The following MACROD2 variants were observed in gnomAD, a reference collection of about 807,000 sequenced individuals.
MACROD2 encodes ADP-ribose glycohydrolase MACROD2.
In MACROD2, 36 loss-of-function variants were observed where a neutral mutation model predicts 70.4. The ratio of observed to expected loss-of-function variants is 0.51; its 90% CI spans 0.39 to 0.68. MACROD2 has a LOEUF of 0.68. Ranked by LOEUF, MACROD2 falls within the 30% of genes least tolerant of loss-of-function variation. The probability of loss-of-function intolerance (pLI) is 0.00; values close to 1 mark genes in which losing one functional copy is unlikely to be tolerated. For synonymous variants in MACROD2, 172 were observed against 178.8 expected (o/e 0.96, Z 0.30); for missense variants, 496 against 538.4 (o/e 0.92, Z 0.78).
intron 5 of MACROD2, among the ~76,000 whole-genome samples, chr20:14,836,990 T>C (rs777789743): frequency 6.6e-6 from 1 of 152,046 alleles, no homozygotes; most frequent in Admixed American, 6.6e-5. Context: ...TTCAAAATGA[T>C]AAGAGGAAAT....
chr20:15,895,565 G>C (rs909689496), intron 10 of MACROD2, among the ~76,000 whole-genome samples: 1 of 152,360 alleles, frequency 6.6e-6, no homozygotes, highest in African/African-American at 2.4e-5. Flanking sequence ...GGTTCGAGAG[G>C]CTGAAGAAGA....
At chr20:15,257,328 T>C (rs1289867789) in intron 6 of MACROD2, among the ~76,000 whole-genome samples, 1 of 151,980 alleles carries the variant, frequency 6.6e-6, no homozygotes, top group Admixed American at 6.6e-5. Flanking sequence ...GGTGGGCAAA[T>C]GGGCTCCACT....
At chr20:15,845,340 C>T (rs946347258) in intron 8 of MACROD2, among the ~76,000 whole-genome samples, 5 of 152,126 alleles carry the variant, frequency 3.3e-5, no homozygotes, top group Non-Finnish European at 7.4e-5. Context: ...ACGCACAACT[C>T]ATAATATCTA....
chr20:14,637,495 A>G (rs1016338084), intron 4 of MACROD2, among the ~76,000 whole-genome samples: 1 of 152,184 alleles, frequency 6.6e-6, no homozygotes, highest in Non-Finnish European at 1.5e-5. Flanking sequence ...TGAAAAATAC[A>G]TCTCAGGCTT....
chr20:15,117,003 TTC>T (rs2075996422), intron 5 of MACROD2, among the ~76,000 whole-genome samples: 1 of 152,228 alleles, frequency 6.6e-6, no homozygotes. Flanking sequence ...AGCATTTTTT[TTC>T]TTAGTTTAAT....
At chr20:15,890,942 C>T (rs1018545603) in intron 10 of MACROD2, among the ~76,000 whole-genome samples, 6 of 152,082 alleles carry the variant, frequency 3.9e-5, no homozygotes, top group Non-Finnish European at 8.8e-5. Flanking sequence ...TCTCAAGGCA[C>T]TGCTAGGCAC....
chr20:15,276,698 G>C (rs1203775377), intron 6 of MACROD2, among the ~76,000 whole-genome samples: 1 of 151,956 alleles, frequency 6.6e-6, no homozygotes, highest in African/African-American at 2.4e-5. Context: ...TATCTAAAAA[G>C]AATGAAAGCA....
chr20:15,382,668 T>C (rs2045659867), intron 6 of MACROD2, among the ~76,000 whole-genome samples: 1 of 152,192 alleles, frequency 6.6e-6, no homozygotes, highest in African/African-American at 2.4e-5. Context: ...AATTCAATTC[T>C]GAATGATTAG....
At chr20:15,286,394 A>C (rs1216081172) in intron 6 of MACROD2, among the ~76,000 whole-genome samples, 1 of 150,850 alleles carries the variant, frequency 6.6e-6, no homozygotes, top group African/African-American at 2.5e-5. Flanking sequence ...CAGGTTTATC[A>C]TATCATGTCT....
intron 4 of MACROD2, among the ~76,000 whole-genome samples, chr20:14,564,625 T>G (rs1388959536): frequency 6.6e-6 from 1 of 151,902 alleles, no homozygotes; most frequent in Non-Finnish European, 1.5e-5. Context: ...ATCAGGGAAA[T>G]GCAAATTAAA....
At chr20:14,890,236 A>G (rs1231006063) in intron 5 of MACROD2, among the ~76,000 whole-genome samples, 1 of 152,072 alleles carries the variant, frequency 6.6e-6, no homozygotes, top group Non-Finnish European at 1.5e-5. Context: ...GTTGGTAAGT[A>G]GGAGGTATTT....
chr20:15,653,205 G>T (rs929095311), intron 8 of MACROD2, among the ~76,000 whole-genome samples: 1 of 152,136 alleles, frequency 6.6e-6, no homozygotes, highest in African/African-American at 2.4e-5. Flanking sequence ...GTCCAAAACA[G>T]ATTAGCACTC....
chr20:16,019,111 C>T (rs942747833), intron 15 of MACROD2, among the ~76,000 whole-genome samples: 1 of 152,104 alleles, frequency 6.6e-6, no homozygotes, highest in Non-Finnish European at 1.5e-5. Flanking sequence ...TTGAATGAGT[C>T]ATAGAAATAG....
intron 13 of MACROD2, among the ~76,000 whole-genome samples, chr20:15,984,220 A>G (rs995583774): frequency 6.6e-6 from 1 of 152,136 alleles, no homozygotes; most frequent in Admixed American, 6.5e-5. Context: ...ACTGGGTGAT[A>G]TCTTTTTAAC....
At chr20:14,325,794 T>A in intron 3 of MACROD2, 1 of 1,613,932 alleles carries the variant, frequency 6.2e-7, no homozygotes, top group Non-Finnish European at 8.5e-7. Flanking sequence ...AGTCATCCTT[T>A]CTTCTCCTCC....
At chr20:14,606,850 A>G (rs1383271845) in intron 4 of MACROD2, among the ~76,000 whole-genome samples, 1 of 152,070 alleles carries the variant, frequency 6.6e-6, no homozygotes, top group African/African-American at 2.4e-5. Flanking sequence ...TTTTATTTTC[A>G]AGTGCCAATT....
intron 3 of MACROD2, among the ~76,000 whole-genome samples, chr20:14,359,494 A>T (rs1380083624): frequency 8.5e-5 from 13 of 152,240 alleles, no homozygotes; most frequent in Non-Finnish European, 1.9e-4. Context: ...TGAAATCAGT[A>T]TGTCAAAAGG....
At chr20:14,370,137 T>C (rs1336460416) in intron 3 of MACROD2, among the ~76,000 whole-genome samples, 1 of 152,170 alleles carries the variant, frequency 6.6e-6, no homozygotes, top group African/African-American at 2.4e-5. Context: ...TAAACTTTAA[T>C]ATTAGGTAGA....
At chr20:14,132,162 C>T in intron 3 of MACROD2, among the ~76,000 whole-genome samples, 1 of 150,162 alleles carries the variant, frequency 6.7e-6, no homozygotes, top group Non-Finnish European at 1.5e-5. Context: ...TCTCCCACCT[C>T]AGCCTCCAGA....
Sources: allele counts gnomAD v4.1 joint callset (sites outside exome capture counted in the v4.1 genomes callset), GRCh38; gene constraint gnomAD v4.1.1; transcripts MANE v1.5; gene names NCBI Gene and HGNC (gene_info 2026-07-23, HGNC 2026-07-21).